Variants in FHIT observed in about 807,000 individuals in gnomAD.
FHIT encodes fragile histidine triad diadenosine triphosphatase, also known as bis(5'-adenosyl)-triphosphatase.
In FHIT, 19 loss-of-function variants were observed where a neutral mutation model predicts 17.9. The observed-to-expected ratio is 1.06, with a 90% CI of 0.74 to 1.56. FHIT has a LOEUF of 1.56. Among genes scored for constraint, FHIT ranks in the 40% most tolerant of loss-of-function variants. The probability of loss-of-function intolerance (pLI) is 0.00; values close to 1 mark genes in which losing one functional copy is unlikely to be tolerated. For synonymous variants in FHIT, 81 were observed against 69.7 expected (o/e 1.16, Z -0.81); for missense variants, 248 against 189.2 (o/e 1.31, Z -1.82).
intron 5 of FHIT, among the ~76,000 whole-genome samples, chr3:60,413,045 C>T (rs1307169411): frequency 6.6e-6 from 1 of 152,094 alleles, no homozygotes; most frequent in Admixed American, 6.5e-5. Context: ...TACACAGTCT[C>T]GGGCAGTTCT....
Position 60,724,661 on chromosome 3 carries a change from T to G in FHIT, c.-18+97258A>C, listed in dbSNP as rs13075230. 3.5e-3 allele frequency among the ~76,000 whole-genome samples: 300 copies of G among 85,940 alleles called. 1 individual carries two copies. The highest frequency in any genetic ancestry group is 0.017 in the African/African-American group (278 of 16,086). The allele number at this position is 85,940 out of a possible 152,430, so 56.4% of individuals were successfully genotyped here. On this transcript the variant is annotated intron_variant, in intron 4 of 9. Coordinates refer to ENST00000492590, the MANE Select transcript of FHIT (RefSeq NM_002012.4). ...ATTAACTGTCTGTTTTTTTTTTTTG[T>G]TTTTTTTTTTTTTGAGACAGCCTGT...
chr3:59,882,591 AAGG>A (rs897188798), intron 8 of FHIT, among the ~76,000 whole-genome samples: 1 of 152,208 alleles, frequency 6.6e-6, no homozygotes, highest in African/African-American at 2.4e-5. Flanking sequence ...CAAATGTTTT[AAGG>A]AGAAGTCTGG....
In FHIT at chr3:60,195,289, A is replaced by G. The variant is rs990677094; in HGVS notation, c.104-181137T>C. On this transcript the variant is annotated intron_variant, in intron 5 of 9. Transcript: ENST00000492590. ...TTGACATGGATGTGGTAAAAAAGGG[A>G]ACATTTATACACTTCTGGTGGAAAT... Among the ~76,000 whole-genome samples the G allele has an allele frequency of 7.9e-5, 12 of 152,206 alleles. No individual in the cohort carries two copies. In the East Asian group the frequency reaches 2.3e-3, roughly 29 times the overall value.
chr3:60,547,428 A>C lies in FHIT; in HGVS notation c.-17-10449T>G, dbSNP rs190837480. On this transcript the variant is annotated intron_variant, in intron 4 of 9. Coordinates refer to ENST00000492590, the MANE Select transcript of FHIT (RefSeq NM_002012.4). ...TAATTGAACCCTACTCTCTCTTTAT[A>C]AACAAACAGAAGTAGATACATAAAT... Among the ~76,000 whole-genome samples the C allele has an allele frequency of 1.4e-4, 22 of 152,332 alleles. No individual in the cohort carries two copies. The East Asian group carries it at 4.2e-3, about 29-fold the overall frequency.
chr3:60,482,512 GATTAA>G (rs2033656252), intron 5 of FHIT, among the ~76,000 whole-genome samples: 1 of 152,168 alleles, frequency 6.6e-6, no homozygotes, highest in Non-Finnish European at 1.5e-5. Context: ...TAGAACTCAT[GATTAA>G]GAAACTCACT....
At chr3:59,905,476 T>C (rs1232887747) in intron 8 of FHIT, among the ~76,000 whole-genome samples, 2 of 152,210 alleles carry the variant, frequency 1.3e-5, no homozygotes, top group Non-Finnish European at 2.9e-5. Flanking sequence ...CGTATGTCTG[T>C]ATAAACCTAA....
At chr3:59,959,856 C>A (rs62240086) in intron 7 of FHIT, among the ~76,000 whole-genome samples, 13,291 of 152,132 alleles carry the variant, frequency 0.087, 822 homozygotes, top group South Asian at 0.15. Context: ...GACCTGAGAG[C>A]TGAACTGATA....
At chr3:60,633,211 G>A (rs1176415218) in intron 4 of FHIT, among the ~76,000 whole-genome samples, 1 of 152,142 alleles carries the variant, frequency 6.6e-6, no homozygotes, top group African/African-American at 2.4e-5. Context: ...GCAATAGTTA[G>A]GAATATGAGA....
At chr3:60,080,561 A>G (rs1703233134) in intron 5 of FHIT, among the ~76,000 whole-genome samples, 1 of 152,122 alleles carries the variant, frequency 6.6e-6, no homozygotes, top group African/African-American at 2.4e-5. Flanking sequence ...TTTACTAAGC[A>G]CTTCTTTATA....
intron 4 of FHIT, among the ~76,000 whole-genome samples, chr3:60,630,074 C>T (rs1553682032): frequency 6.6e-6 from 1 of 152,148 alleles, no homozygotes; most frequent in East Asian, 1.9e-4. Flanking sequence ...AAGTATCCTC[C>T]CAGAGACTGG....
chr3:61,065,526 G>A (rs2034575326), intron 2 of FHIT, among the ~76,000 whole-genome samples: 1 of 152,118 alleles, frequency 6.6e-6, no homozygotes, highest in East Asian at 1.9e-4. Flanking sequence ...CTGCTTAGGG[G>A]TGAACACTGA....
intron 3 of FHIT, among the ~76,000 whole-genome samples, chr3:60,907,750 T>C (rs1706512346): frequency 6.6e-6 from 1 of 151,862 alleles, no homozygotes; most frequent in Non-Finnish European, 1.5e-5. Flanking sequence ...GGGGGAAGAG[T>C]AATTGGGATA....
chr3:60,349,820 A>G (rs1710993067), intron 5 of FHIT, among the ~76,000 whole-genome samples: 1 of 152,198 alleles, frequency 6.6e-6, no homozygotes, highest in African/African-American at 2.4e-5. Flanking sequence ...CTTACCGTAA[A>G]TCATATATGA....
At position 60,317,393 on chromosome 3, in the gene FHIT, C is replaced by G. The variant is rs1377077387; in HGVS notation, c.103+219467G>C. Among the ~76,000 whole-genome samples, 2 of 151,436 alleles carry G rather than the reference C, an allele frequency of 1.3e-5. 1 individual carries two copies. The highest frequency in any genetic ancestry group is 4.2e-4 in the South Asian group (2 of 4,814). On this transcript the variant is annotated intron_variant, in intron 5 of 9. Coordinates refer to ENST00000492590, the MANE Select transcript of FHIT (RefSeq NM_002012.4). ...TAAAACAATCCCTTTACCAAATGGT[C>G]TATTAGAATTCCTCTGATGCTCATC...
At chr3:60,271,526 G>T (rs923836067) in intron 5 of FHIT, among the ~76,000 whole-genome samples, 1 of 152,192 alleles carries the variant, frequency 6.6e-6, no homozygotes, top group Non-Finnish European at 1.5e-5. Flanking sequence ...TCATTAACAA[G>T]TTAGGAACTA....
chr3:60,738,467 A>G (rs1297521378), intron 4 of FHIT, among the ~76,000 whole-genome samples: 2 of 152,236 alleles, frequency 1.3e-5, no homozygotes, highest in East Asian at 3.9e-4. Flanking sequence ...TGCCCTTTCC[A>G]TCAGCTCCAG....
At chr3:60,101,791 C>T (rs1704201968) in intron 5 of FHIT, among the ~76,000 whole-genome samples, 1 of 152,182 alleles carries the variant, frequency 6.6e-6, no homozygotes. Context: ...TGGGCCCCTG[C>T]CATCCTTTCC....
chr3:60,274,903 T>C (rs2107634629), intron 5 of FHIT, among the ~76,000 whole-genome samples: 1 of 152,256 alleles, frequency 6.6e-6, no homozygotes, highest in African/African-American at 2.4e-5. Flanking sequence ...AACTTTGCTT[T>C]AGGGAAAAAA....
chr3:59,767,037 A>G (rs1277280319), intron 8 of FHIT, among the ~76,000 whole-genome samples: 1 of 152,198 alleles, frequency 6.6e-6, no homozygotes, highest in Non-Finnish European at 1.5e-5. Context: ...CTGGCATCCC[A>G]GATGCAAAAC....
Sources: allele counts gnomAD v4.1 joint callset (sites outside exome capture counted in the v4.1 genomes callset), GRCh38; gene constraint gnomAD v4.1.1; transcripts MANE v1.5; gene names NCBI Gene and HGNC (gene_info 2026-07-23, HGNC 2026-07-21).